AOAH: variants seen among roughly 807,000 people sequenced by gnomAD.
AOAH encodes the protein acyloxyacyl hydrolase.
AOAH carries 64 observed loss-of-function variants against 92.2 expected under a neutral mutation model. The ratio of observed to expected loss-of-function variants is 0.69; its 90% CI spans 0.57 to 0.86. AOAH has a LOEUF of 0.86. AOAH is among the 40% of genes least tolerant of loss of function. AOAH has a pLI of 0.00. For missense variants in AOAH, 656 were observed against 694.6 expected (o/e 0.94, Z 0.62); for synonymous variants, 263 against 254.5 (o/e 1.03, Z -0.32).
At chr7:36,520,447 T>G (rs1379919042) in intron 20 of AOAH, among the ~76,000 whole-genome samples, 1 of 152,252 alleles carries the variant, frequency 6.6e-6, no homozygotes, top group Non-Finnish European at 1.5e-5. Flanking sequence ...GGCTCACGCC[T>G]GTAATCCCAG....
At chr7:36,678,584 T>C (rs1258726482) in intron 2 of AOAH, among the ~76,000 whole-genome samples, 17 of 105,896 alleles carry the variant, frequency 1.6e-4, no homozygotes, top group African/African-American at 5.1e-4. Flanking sequence ...TGTGTGTGTG[T>C]GTGTGTGTGT....
At chr7:36,632,616 C>T (rs1793204673) in intron 5 of AOAH, among the ~76,000 whole-genome samples, 1 of 152,150 alleles carries the variant, frequency 6.6e-6, no homozygotes. Context: ...TATGAGGCTC[C>T]AGATGTGGGC....
intron 11 of AOAH, chr7:36,599,998 A>G (rs1489313334): frequency 6.6e-6 from 1 of 152,346 alleles, no homozygotes; most frequent in East Asian, 1.9e-4. Flanking sequence ...CCAGACTCCC[A>G]TTTCTGTAGC....
chr7:36,723,980 G>A (rs768460636), intron 1 of AOAH, 42 bp downstream of exon 1: 49 of 1,596,454 alleles, frequency 3.1e-5, no homozygotes, highest in African/African-American at 4.0e-5. Context: ...GGATCCCATT[G>A]TTATGTCTAC....
chr7:36,635,224 C>T (rs1004447842), intron 5 of AOAH, among the ~76,000 whole-genome samples: 2 of 152,194 alleles, frequency 1.3e-5, no homozygotes, highest in Admixed American at 1.3e-4. Context: ...CTAATCCCAT[C>T]TAAAATGAGA....
chr7:36,559,597 T>G (rs944283683), intron 13 of AOAH, among the ~76,000 whole-genome samples: 2 of 152,172 alleles, frequency 1.3e-5, no homozygotes, highest in African/African-American at 4.8e-5. Context: ...AATGGGGTTA[T>G]TTGGTTTTTG....
At chr7:36,518,453 C>T (rs1362991673) in intron 20 of AOAH, among the ~76,000 whole-genome samples, 2 of 152,284 alleles carry the variant, frequency 1.3e-5, no homozygotes, top group South Asian at 4.1e-4. Flanking sequence ...ATTTTACCAG[C>T]GGAAACTTTT....
Position 36,724,370 on chromosome 7 carries a change from C to T in AOAH, c.-222G>A. On this transcript the variant is annotated 5_prime_UTR_variant, in exon 1 of 21. Transcript: ENST00000617537. ...ACCCACAGCTTGCTCTTGTTGGACCCTGAGAGAGCCACACACAAAGAGCTG... is the reference window on the plus strand; with the variant it reads ...ACCCACAGCTTGCTCTTGTTGGACCTTGAGAGAGCCACACACAAAGAGCTG... The T allele has an allele frequency of 2.4e-6, 1 of 418,388 alleles. No homozygotes were observed. Among genetic ancestry groups the T allele is most frequent in the Non-Finnish European group, 4.5e-6 (1 of 224,352 alleles). The allele number at this position is 418,388 out of a possible 1,614,324, so 25.9% of individuals were successfully genotyped here. A position where few individuals can be genotyped will look rare whatever the true frequency, so the allele number is the denominator to read the frequency against.
chr7:36,685,267 C>T (rs1179262829), intron 2 of AOAH, among the ~76,000 whole-genome samples: 5 of 152,142 alleles, frequency 3.3e-5, no homozygotes, highest in Non-Finnish European at 5.9e-5. Context: ...ACACATCAAA[C>T]ATTTAAATAC....
intron 12 of AOAH, among the ~76,000 whole-genome samples, chr7:36,589,268 T>C (rs752982294): frequency 1.2e-4 from 19 of 152,148 alleles, no homozygotes; most frequent in Admixed American, 4.6e-4. Context: ...TGGAGAGATA[T>C]AGTAAACATA....
chr7:36,558,051 G>C (rs1786913497), intron 13 of AOAH, among the ~76,000 whole-genome samples: 1 of 152,246 alleles, frequency 6.6e-6, no homozygotes, highest in East Asian at 1.9e-4. Context: ...TTTGGAGGAG[G>C]AGAGGCGCTC....
At chr7:36,624,391 C>G (rs541513977) in intron 6 of AOAH, among the ~76,000 whole-genome samples, 5 of 152,274 alleles carry the variant, frequency 3.3e-5, no homozygotes, top group Middle Eastern at 6.8e-3. Flanking sequence ...AAATGCAACC[C>G]AAGACCATGC....
chr7:36,659,773 T>C (rs1463443508), intron 3 of AOAH, among the ~76,000 whole-genome samples: 12 of 150,216 alleles, frequency 8.0e-5, no homozygotes, highest in Non-Finnish European at 1.3e-4. Context: ...TTTTTTTTTT[T>C]CCTGCGAGAG....
intron 1 of AOAH, among the ~76,000 whole-genome samples, chr7:36,694,086 T>C (rs12537537): frequency 0.33 from 50,628 of 152,132 alleles, 9,653 homozygotes; most frequent in East Asian, 0.55. Context: ...AGATACTACC[T>C]GACTTATAAA....
intron 6 of AOAH, among the ~76,000 whole-genome samples, chr7:36,628,059 G>A (rs1792801425): frequency 6.6e-6 from 1 of 152,154 alleles, no homozygotes; most frequent in Non-Finnish European, 1.5e-5. Flanking sequence ...TGAGAACAGA[G>A]AAGCCATGGA....
chr7:36,522,257 A>C (rs1784144367), intron 19 of AOAH, 142 bp from the exon 20 acceptor site: 1 of 648,554 alleles, frequency 1.5e-6, no homozygotes, highest in African/African-American at 1.8e-5. Context: ...GCTCTCTTGC[A>C]CTGGGGGATT....
intron 3 of AOAH, chr7:36,661,402 C>G (rs1459473174): frequency 2.0e-5 from 3 of 152,134 alleles, no homozygotes; most frequent in Non-Finnish European, 4.4e-5. Context: ...GAGGGCAGAA[C>G]CCAGAGGACG....
chr7:36,697,117 T>C (rs1488793694), intron 1 of AOAH, among the ~76,000 whole-genome samples: 4 of 152,214 alleles, frequency 2.6e-5, no homozygotes, highest in Non-Finnish European at 1.5e-5. Context: ...ACCTTCCTCC[T>C]GATCTTAGGA....
intron 6 of AOAH, among the ~76,000 whole-genome samples, chr7:36,629,958 G>T (rs1044259142): frequency 6.6e-6 from 1 of 152,172 alleles, no homozygotes; most frequent in African/African-American, 2.4e-5. Flanking sequence ...TAAGATGAGG[G>T]CATTAGGGCA....
Sources: allele counts gnomAD v4.1 joint callset (sites outside exome capture counted in the v4.1 genomes callset), GRCh38; gene constraint gnomAD v4.1.1; transcripts MANE v1.5; gene names NCBI Gene and HGNC (gene_info 2026-07-23, HGNC 2026-07-21).